Variants in GPC5 observed in about 807,000 individuals in gnomAD.
The protein encoded by GPC5 is glypican-5.
In GPC5, 47 loss-of-function variants were observed where a neutral mutation model predicts 53.9. The ratio of observed to expected loss-of-function variants is 0.87; its 90% CI spans 0.69 to 1.11. The LOEUF (loss-of-function observed/expected upper bound fraction) is 1.11, where lower values mean the gene tolerates loss of function less well. GPC5 is among the 50% of genes most tolerant of loss of function. GPC5 has a pLI of 0.00. For missense variants in GPC5, 748 were observed against 713.1 expected (o/e 1.05, Z -0.56); for synonymous variants, 286 against 263.3 (o/e 1.09, Z -0.84).
At chr13:91,684,344 AT>A (rs777412645) in intron 2 of GPC5, among the ~76,000 whole-genome samples, 3 of 152,132 alleles carry the variant, frequency 2.0e-5, no homozygotes, top group Non-Finnish European at 4.4e-5. Flanking sequence ...GATACATTTT[AT>A]TTGATTTTCT....
At chr13:92,264,259 C>G (rs1350991197) in intron 7 of GPC5, among the ~76,000 whole-genome samples, 1 of 151,788 alleles carries the variant, frequency 6.6e-6, no homozygotes, top group Non-Finnish European at 1.5e-5. Flanking sequence ...ATAAATGAAA[C>G]AAGATGTTAG....
intron 7 of GPC5, among the ~76,000 whole-genome samples, chr13:92,632,500 G>GCACACACACATATACATA (rs1885280177): frequency 4.2e-4 from 41 of 96,736 alleles, no homozygotes; most frequent in Middle Eastern, 0.011. Context: ...ATATATATAT[G>GCACACACACATATACATA]CACACACACA....
chr13:91,666,962 T>C (rs973111237), intron 2 of GPC5, among the ~76,000 whole-genome samples: 1 of 152,190 alleles, frequency 6.6e-6, no homozygotes, highest in African/African-American at 2.4e-5. Context: ...ATGTAAATAG[T>C]GATGATAGAT....
intron 7 of GPC5, among the ~76,000 whole-genome samples, chr13:92,685,091 T>TTATTTATTTATA (rs781696555): frequency 5.3e-5 from 8 of 151,806 alleles, no homozygotes; most frequent in African/African-American, 1.5e-4. Context: ...GTAGTTCTAT[T>TTATTTATTTATA]TATTTATTTA....
intron 7 of GPC5, among the ~76,000 whole-genome samples, chr13:92,477,954 A>T (rs887626422): frequency 6.6e-6 from 1 of 152,088 alleles, no homozygotes; most frequent in Admixed American, 6.6e-5. Flanking sequence ...AACTGTTGGC[A>T]TTTGGTTTAT....
At chr13:92,577,537 GA>G (rs1202991087) in intron 7 of GPC5, among the ~76,000 whole-genome samples, 1 of 151,680 alleles carries the variant, frequency 6.6e-6, no homozygotes, top group African/African-American at 2.4e-5. Context: ...ACTAAACCAA[GA>G]TTCAAACCTC....
At chr13:92,351,826 G>A (rs1056705168) in intron 7 of GPC5, among the ~76,000 whole-genome samples, 3 of 152,024 alleles carry the variant, frequency 2.0e-5, no homozygotes, top group Admixed American at 6.6e-5. Context: ...AAAATGATAC[G>A]AATTAGAGGA....
intron 7 of GPC5, among the ~76,000 whole-genome samples, chr13:92,315,036 C>G (rs575072072): frequency 6.6e-6 from 1 of 152,266 alleles, no homozygotes; most frequent in Admixed American, 6.5e-5. Context: ...CTCGGCCTCT[C>G]AAAGTGCTGG....
chr13:92,038,893 G>A (rs946761702), intron 6 of GPC5, among the ~76,000 whole-genome samples: 2 of 152,184 alleles, frequency 1.3e-5, no homozygotes, highest in African/African-American at 2.4e-5. Flanking sequence ...TCATTAAACT[G>A]AGAAGAACGC....
intron 7 of GPC5, among the ~76,000 whole-genome samples, chr13:92,623,576 T>G (rs969475430): frequency 5.9e-5 from 9 of 152,332 alleles, no homozygotes; most frequent in African/African-American, 2.2e-4. Context: ...AATTCTTGAA[T>G]CAAAGTTTCC....
chr13:92,119,504 A>G (rs1297220423), intron 6 of GPC5, among the ~76,000 whole-genome samples: 1 of 134,158 alleles, frequency 7.5e-6, no homozygotes, highest in African/African-American at 2.9e-5. Context: ...GGTTCACACC[A>G]TTCTCCTGCC....
intron 7 of GPC5, among the ~76,000 whole-genome samples, chr13:92,643,126 C>A (rs1200977169): frequency 6.6e-6 from 1 of 152,020 alleles, no homozygotes; most frequent in South Asian, 2.1e-4. Flanking sequence ...GGATATTAGC[C>A]CTTTGTCAGA....
intron 7 of GPC5, among the ~76,000 whole-genome samples, chr13:92,699,106 CT>C (rs1237092686): frequency 2.0e-5 from 3 of 152,030 alleles, no homozygotes; most frequent in African/African-American, 7.2e-5. Flanking sequence ...AATTTCAGAA[CT>C]TGTTACTGGT....
intron 5 of GPC5, among the ~76,000 whole-genome samples, chr13:91,830,131 C>A (rs2038633010): frequency 6.6e-6 from 1 of 152,020 alleles, no homozygotes; most frequent in Non-Finnish European, 1.5e-5. Context: ...CCATAAAAGA[C>A]AGCCACGCCC....
chr13:91,483,543 C>T (rs1883418467), intron 2 of GPC5, among the ~76,000 whole-genome samples: 1 of 152,144 alleles, frequency 6.6e-6, no homozygotes, highest in African/African-American at 2.4e-5. Flanking sequence ...GCCTCCTGAG[C>T]TTGGCCATCC....
chr13:91,822,881 T>A (rs552916188), intron 5 of GPC5, among the ~76,000 whole-genome samples: 3 of 152,306 alleles, frequency 2.0e-5, no homozygotes, highest in African/African-American at 4.8e-5. Context: ...TTCCTCTTTA[T>A]AAAGTTTTGA....
At chr13:92,511,435 C>T (rs768163443) in intron 7 of GPC5, among the ~76,000 whole-genome samples, 1 of 152,180 alleles carries the variant, frequency 6.6e-6, no homozygotes, top group Non-Finnish European at 1.5e-5. Flanking sequence ...TCCTAACGGT[C>T]ATACTTGTAA....
intron 2 of GPC5, among the ~76,000 whole-genome samples, chr13:91,655,984 C>T (rs2034836240): frequency 2.0e-5 from 3 of 152,058 alleles, no homozygotes; most frequent in African/African-American, 7.2e-5. Flanking sequence ...AGGCGATGTG[C>T]GTATACCCAA....
intron 1 of GPC5, among the ~76,000 whole-genome samples, chr13:91,402,443 G>A (rs1877024387): frequency 6.6e-6 from 1 of 152,158 alleles, no homozygotes; most frequent in Non-Finnish European, 1.5e-5. Flanking sequence ...GGACAGTGTA[G>A]TTTCATTCTC....
Sources: gnomAD v4.1 joint callset for allele counts (sites outside exome capture counted in the v4.1 genomes callset) on GRCh38, gnomAD v4.1.1 for gene constraint, MANE v1.5 for transcripts, NCBI Gene and HGNC (gene_info 2026-07-23, HGNC 2026-07-21) for gene names.